The following SLC39A11 variants were observed in gnomAD, a reference collection of about 807,000 sequenced individuals.
SLC39A11 encodes zinc transporter ZIP11.
In SLC39A11, 33 loss-of-function variants were observed where a neutral mutation model predicts 36.1. The observed-to-expected ratio is 0.91, with a 90% confidence interval of 0.69 to 1.22. SLC39A11 has a LOEUF of 1.22. Among genes scored for constraint, SLC39A11 ranks in the 50% most tolerant of loss-of-function variants. The pLI, the probability that SLC39A11 is intolerant of heterozygous loss-of-function variation, is 0.00. For synonymous variants in SLC39A11, 166 were observed against 170.3 expected (o/e 0.97, Z 0.20); for missense variants, 432 against 430.3 (o/e 1.00, Z -0.03).
intron 4 of SLC39A11, among the ~76,000 whole-genome samples, chr17:73,031,148 T>C (rs1243314664): frequency 6.6e-6 from 1 of 152,072 alleles, no homozygotes; most frequent in African/African-American, 2.4e-5. Flanking sequence ...GCCCTCATAA[T>C]GTGATCCATG....
At chr17:72,819,687 A>G (rs778747186) in intron 6 of SLC39A11, among the ~76,000 whole-genome samples, 2 of 151,326 alleles carry the variant, frequency 1.3e-5, no homozygotes, top group Non-Finnish European at 3.0e-5. Context: ...ATTCAACAGT[A>G]CACTGAATGC....
chr17:72,907,837 CCA>C (rs2082738586), intron 5 of SLC39A11, among the ~76,000 whole-genome samples: 1 of 152,230 alleles, frequency 6.6e-6, no homozygotes, highest in Non-Finnish European at 1.5e-5. Flanking sequence ...ATATCCCACG[CCA>C]CAGACTGCGG....
At chr17:72,735,844 C>A (rs901993679) in intron 7 of SLC39A11, among the ~76,000 whole-genome samples, 1 of 152,168 alleles carries the variant, frequency 6.6e-6, no homozygotes, top group African/African-American at 2.4e-5. Flanking sequence ...TGTGACCTTA[C>A]CTATGCCCTG....
At chr17:73,066,434 C>T (rs1264725219) in intron 3 of SLC39A11, among the ~76,000 whole-genome samples, 1 of 152,220 alleles carries the variant, frequency 6.6e-6, no homozygotes, top group Non-Finnish European at 1.5e-5. Context: ...CCATACTCCA[C>T]ATTTACAGTC....
intron 7 of SLC39A11, among the ~76,000 whole-genome samples, chr17:72,661,037 G>A (rs897948264): frequency 1.1e-4 from 17 of 152,194 alleles, no homozygotes; most frequent in African/African-American, 3.4e-4. Context: ...CTGATCTCAC[G>A]CATCTCATTT....
At chr17:73,088,806 C>T (rs1358765682) in intron 1 of SLC39A11, 31 bp from the exon 2 acceptor site, 13 of 1,507,614 alleles carry the variant, frequency 8.6e-6, no homozygotes, top group African/African-American at 2.8e-5. Flanking sequence ...GGTCAGCCAC[C>T]GGTGGTCCGT....
intron 5 of SLC39A11, among the ~76,000 whole-genome samples, chr17:72,933,314 A>AT (rs752346214): frequency 6.6e-6 from 1 of 152,232 alleles, no homozygotes; most frequent in Non-Finnish European, 1.5e-5. Context: ...ATACAGTATA[A>AT]TTTAAAATAG....
Position 72,965,052 on chromosome 17 carries a change from T to G in SLC39A11, c.307-17177A>C, listed in dbSNP as rs532370297. Among the ~76,000 whole-genome samples, 70 of 146,766 alleles carry G rather than the reference T, an allele frequency of 4.8e-4. No individual in the cohort carries two copies. In the South Asian group the frequency reaches 0.014, roughly 29 times the overall value. On this transcript the variant is annotated intron_variant, in intron 4 of 9. Transcript: ENST00000255559. ...TCACTCATAGGTGCGAATTGAACAA[T>G]GAGAACACTTGGACACAGGAAGGGG...
At chr17:72,730,898 G>C (rs2074189522) in intron 7 of SLC39A11, among the ~76,000 whole-genome samples, 1 of 152,212 alleles carries the variant, frequency 6.6e-6, no homozygotes, top group African/African-American at 2.4e-5. Context: ...CTATAGGTGT[G>C]CGCCACCACG....
At chr17:72,658,585 C>T (rs529940813) in intron 7 of SLC39A11, among the ~76,000 whole-genome samples, 2 of 152,272 alleles carry the variant, frequency 1.3e-5, no homozygotes, top group South Asian at 2.1e-4. Context: ...CCTTGGAGGT[C>T]GCCTGGCTCA....
chr17:72,716,191 G>A (rs1567977561), intron 7 of SLC39A11, among the ~76,000 whole-genome samples: 2 of 152,162 alleles, frequency 1.3e-5, no homozygotes, highest in South Asian at 4.1e-4. Flanking sequence ...GCCCCTGGCA[G>A]ATGGCAGGGT....
At chr17:72,811,580 T>C (rs1477444936) in intron 6 of SLC39A11, among the ~76,000 whole-genome samples, 1 of 152,232 alleles carries the variant, frequency 6.6e-6, no homozygotes, top group African/African-American at 2.4e-5. Context: ...TAGCTTAGTC[T>C]TTCTTCTCCC....
rs1278402436 is a variant in SLC39A11 at position 72,750,356 on chromosome 17, C to A, written c.602-13637G>T. On this transcript the variant is annotated intron_variant, in intron 6 of 9. Coordinates refer to ENST00000255559, the MANE Select transcript of SLC39A11 (RefSeq NM_139177.4). ...CACATCGCCTGTGATTGGAGCCTCACCCCATCCCACAGGCCGTACATGGGC... is the reference window on the plus strand; with the variant it reads ...CACATCGCCTGTGATTGGAGCCTCAACCCATCCCACAGGCCGTACATGGGC... Among the ~76,000 whole-genome samples the A allele has an allele frequency of 3.3e-5, 5 of 151,662 alleles. No individual in the cohort carries two copies. The East Asian group carries it at 9.7e-4, about 30-fold the overall frequency.
At chr17:73,012,879 A>C (rs2090602496) in intron 4 of SLC39A11, among the ~76,000 whole-genome samples, 1 of 151,914 alleles carries the variant, frequency 6.6e-6, no homozygotes, top group African/African-American at 2.4e-5. Context: ...GCTCACTGCA[A>C]TCTCCACCTC....
chr17:72,755,986 T>C (rs1268082529), intron 6 of SLC39A11, among the ~76,000 whole-genome samples: 2 of 152,096 alleles, frequency 1.3e-5, no homozygotes, highest in Non-Finnish European at 2.9e-5. Flanking sequence ...GGGTAACGTT[T>C]GAAAATGGAG....
rs556747929 is a variant in SLC39A11, at chr17:72,825,290, A to T, written c.601+24344T>A. 2.2e-3 allele frequency among the ~76,000 whole-genome samples: 334 copies of T among 152,376 alleles called. 1 individual carries two copies. The highest frequency in any genetic ancestry group is 7.6e-3 in the African/African-American group (316 of 41,594). ...GCCACTGTTCCAGAGGGTGCAAGCC[A>T]TAAACCTTGGTGGCTTCCACGTGGT... On this transcript the variant is annotated intron_variant, in intron 6 of 9. Coordinates refer to ENST00000255559, the MANE Select transcript of SLC39A11 (RefSeq NM_139177.4).
chr17:72,855,462 C>T (rs1462658498), intron 5 of SLC39A11, among the ~76,000 whole-genome samples: 4 of 152,162 alleles, frequency 2.6e-5, no homozygotes, highest in East Asian at 1.9e-4. Flanking sequence ...AATGGCAAAT[C>T]GTCATCTGTT....
chr17:72,760,969 T>C (rs561507238), intron 6 of SLC39A11, among the ~76,000 whole-genome samples: 1 of 152,260 alleles, frequency 6.6e-6, no homozygotes, highest in East Asian at 1.9e-4. Context: ...TTTAACCACA[T>C]AGCCATCCAA....
chr17:72,869,856 C>T (rs1431551943), intron 5 of SLC39A11, among the ~76,000 whole-genome samples: 2 of 152,174 alleles, frequency 1.3e-5, no homozygotes, highest in Non-Finnish European at 2.9e-5. Flanking sequence ...AAAACCAGAA[C>T]TGTCTCTCCC....
Sources: gnomAD v4.1 joint callset for allele counts (sites outside exome capture counted in the v4.1 genomes callset) on GRCh38, gnomAD v4.1.1 for gene constraint, MANE v1.5 for transcripts, NCBI Gene and HGNC (gene_info 2026-07-23, HGNC 2026-07-21) for gene names.